Variants in CRYL1 observed in about 807,000 individuals in gnomAD.
CRYL1 encodes the protein lambda-crystallin homolog.
In CRYL1, 29 loss-of-function variants were observed where a neutral mutation model predicts 36.6. The observed-to-expected ratio is 0.79, with a 90% CI of 0.59 to 1.08. The LOEUF (loss-of-function observed/expected upper bound fraction) is 1.08. Ranked by LOEUF, CRYL1 falls within the 50% of genes least tolerant of loss-of-function variation. The pLI, the probability that CRYL1 is intolerant of heterozygous loss-of-function variation, is 0.00. For synonymous variants in CRYL1, 152 were observed against 151.5 expected (o/e 1.00, Z -0.02); for missense variants, 411 against 407.9 (o/e 1.01, Z -0.06).
chr13:20,459,228 T>A (rs1593458532), intron 3 of CRYL1, among the ~76,000 whole-genome samples: 2 of 95,138 alleles, frequency 2.1e-5, no homozygotes, highest in South Asian at 4.2e-4. Flanking sequence ...AGAGCGAGAC[T>A]CCATCTCAAA....
intron 3 of CRYL1, among the ~76,000 whole-genome samples, chr13:20,483,901 C>A (rs1340668662): frequency 6.6e-6 from 1 of 152,180 alleles, no homozygotes; most frequent in East Asian, 1.9e-4. Flanking sequence ...ACTGCAACCT[C>A]CACCTCGCAG....
chr13:20,522,902 C>T (rs1385031311), intron 1 of CRYL1, among the ~76,000 whole-genome samples: 1 of 128,328 alleles, frequency 7.8e-6, no homozygotes, highest in African/African-American at 2.7e-5. Context: ...TTCATGATAC[C>T]CATTTCTACT....
intron 1 of CRYL1, among the ~76,000 whole-genome samples, chr13:20,523,640 G>A (rs1256974279): frequency 6.6e-6 from 1 of 152,066 alleles, no homozygotes; most frequent in African/African-American, 2.4e-5. Flanking sequence ...CGAGAAAGAA[G>A]GGTGGTAAAG....
chr13:20,420,705 G>GTTTTTTTTTTTTTT (rs1212897541), intron 5 of CRYL1, among the ~76,000 whole-genome samples: 1 of 33,224 alleles, frequency 3.0e-5, no homozygotes, highest in Admixed American at 3.6e-4. Context: ...TAGAGGTTGT[G>GTTTTTTTTTTTTTT]TGTGTGTGTG....
chr13:20,423,047 T>C (rs1199524265), intron 5 of CRYL1, among the ~76,000 whole-genome samples: 1 of 152,216 alleles, frequency 6.6e-6, no homozygotes, highest in Non-Finnish European at 1.5e-5. Flanking sequence ...GCAGCTATTG[T>C]AAATGGAATT....
At chr13:20,505,052 C>T (rs1283542128) in intron 2 of CRYL1, among the ~76,000 whole-genome samples, 1 of 151,914 alleles carries the variant, frequency 6.6e-6, no homozygotes, top group Non-Finnish European at 1.5e-5. Context: ...TAATATGAAA[C>T]GTTAAAAAAG....
intron 1 of CRYL1, among the ~76,000 whole-genome samples, chr13:20,522,560 T>C (rs1039162578): frequency 5.9e-5 from 9 of 152,172 alleles, no homozygotes; most frequent in Non-Finnish European, 1.0e-4. Flanking sequence ...ATCTGTCTAT[T>C]GGGACCACGC....
intron 3 of CRYL1, among the ~76,000 whole-genome samples, chr13:20,452,500 A>G (rs1346481659): frequency 6.6e-6 from 1 of 152,220 alleles, no homozygotes; most frequent in African/African-American, 2.4e-5. Context: ...CAACAACTCT[A>G]TGTGTTTATG....
rs1047920157 is a variant in CRYL1, at chr13:20,467,315, A to G, written c.276+22055T>C. On this transcript the variant is annotated intron_variant, in intron 3 of 7. Coordinates refer to ENST00000298248, the MANE Select transcript of CRYL1 (RefSeq NM_015974.3). Reference sequence around the variant, plus strand: ...TATGCTATATATTATTTACAGCTGCATAAACATGTAGTAAAAAATACACAT... The same window carrying G: ...TATGCTATATATTATTTACAGCTGCGTAAACATGTAGTAAAAAATACACAT... Among the ~76,000 whole-genome samples the G allele has an allele frequency of 2.6e-5, 4 of 152,234 alleles. No individual in the cohort carries two copies. The East Asian group carries it at 7.7e-4, about 29-fold the overall frequency.
intron 5 of CRYL1, among the ~76,000 whole-genome samples, chr13:20,420,535 A>AG (rs397748449): frequency 6.7e-6 from 1 of 150,024 alleles, no homozygotes; most frequent in Non-Finnish European, 1.5e-5. Context: ...AAAAAAAAAA[A>AG]GACCAGCTAA....
intron 5 of CRYL1, 65 bp downstream of exon 5, chr13:20,432,037 T>C (rs2032072542): frequency 1.2e-6 from 2 of 1,611,078 alleles, no homozygotes; most frequent in Non-Finnish European, 8.5e-7. Flanking sequence ...CTGCTCAACT[T>C]TGAGAGGGAG....
At chr13:20,426,278 A>AT (rs2031933079) in intron 5 of CRYL1, among the ~76,000 whole-genome samples, 1 of 73,830 alleles carries the variant, frequency 1.4e-5, no homozygotes, top group African/African-American at 4.3e-5. Flanking sequence ...GTCTATCTTT[A>AT]TTTAAAAAAA....
intron 1 of CRYL1, among the ~76,000 whole-genome samples, chr13:20,519,283 G>C (rs763722718): frequency 6.6e-6 from 1 of 152,146 alleles, no homozygotes; most frequent in African/African-American, 2.4e-5. Context: ...TGCATCAAAC[G>C]CTGCTGATGA....
intron 1 of CRYL1, among the ~76,000 whole-genome samples, chr13:20,514,396 A>C (rs898089898): frequency 4.6e-5 from 7 of 152,238 alleles, no homozygotes; most frequent in Non-Finnish European, 1.0e-4. Flanking sequence ...TCATGAGAAG[A>C]ACATCGGACA....
intron 3 of CRYL1, among the ~76,000 whole-genome samples, chr13:20,456,230 T>G (rs986950367): frequency 6.6e-4 from 101 of 152,084 alleles, no homozygotes; most frequent in African/African-American, 2.3e-3. Flanking sequence ...TCCCAGAACT[T>G]TGAGAGGCCG....
rs1234589934 is a variant in CRYL1 at position 20,481,684 on chromosome 13, G to T, written c.276+7686C>A. Among the ~76,000 whole-genome samples the T allele has an allele frequency of 6.6e-6, 1 of 152,140 alleles. No homozygotes were observed. Among genetic ancestry groups the T allele is most frequent in the Non-Finnish European group, 1.5e-5 (1 of 68,028 alleles). On this transcript the variant is annotated intron_variant, in intron 3 of 7. Transcript: ENST00000298248. This position sits in a 1 kb window ranked among gnomAD's most constrained non-coding sequence, Gnocchi z 4.1. ...CCAGCACTTTGGGAGGCCGAAGCGGGCAGATCACCTGAGGTCAGGAGTTCA... is the reference window on the plus strand; with the variant it reads ...CCAGCACTTTGGGAGGCCGAAGCGGTCAGATCACCTGAGGTCAGGAGTTCA...
chr13:20,519,107 A>T (rs1372107533), intron 1 of CRYL1, among the ~76,000 whole-genome samples: 1 of 152,170 alleles, frequency 6.6e-6, no homozygotes, highest in Non-Finnish European at 1.5e-5. Context: ...GTGGTATTAA[A>T]AGTGTGTGAC....
Position 20,415,893 on chromosome 13 carries a change from T to A in CRYL1, c.634-2506A>T, listed in dbSNP as rs1387068638. Among the ~76,000 whole-genome samples, 1 of 152,210 alleles carries A rather than the reference T, an allele frequency of 6.6e-6. No individual in the cohort carries two copies. Among genetic ancestry groups the A allele is most frequent in the East Asian group, 1.9e-4 (1 of 5,184 alleles). On this transcript the variant is annotated intron_variant, in intron 5 of 7. Transcript: ENST00000298248. This position sits in a 1 kb window ranked among gnomAD's most constrained non-coding sequence, Gnocchi z 4.1. Reference sequence around the variant, plus strand: ...TCTCTCACCATCCTGTTTCTCAGATTCACCTGCGTCATGTGTCCATCTCCT... The same window carrying A: ...TCTCTCACCATCCTGTTTCTCAGATACACCTGCGTCATGTGTCCATCTCCT...
chr13:20,491,436 C>T (rs558495702), intron 2 of CRYL1, among the ~76,000 whole-genome samples: 1 of 152,284 alleles, frequency 6.6e-6, no homozygotes, highest in East Asian at 1.9e-4. Flanking sequence ...GGACCACCAT[C>T]CCCAGTGAGC....
Sources: gnomAD v4.1 joint callset for allele counts (sites outside exome capture counted in the v4.1 genomes callset) on GRCh38, gnomAD v4.1.1 for gene constraint, Gnocchi (gnomAD v3.1) non-coding constraint, MANE v1.5 for transcripts, NCBI Gene and HGNC (gene_info 2026-07-23, HGNC 2026-07-21) for gene names.